The following TENM4 variants were observed in gnomAD, a reference collection of about 807,000 sequenced individuals.
TENM4 encodes teneurin transmembrane protein 4.
Under a neutral mutation model 243.3 loss-of-function variants are expected in TENM4, and 82 were observed. The observed-to-expected ratio is 0.34, with a 90% CI of 0.28 to 0.40. The LOEUF (loss-of-function observed/expected upper bound fraction) is 0.40, where lower values mean the gene tolerates loss of function less well. TENM4 is among the 10% of genes least tolerant of loss of function. TENM4 has a pLI of 1.00. For missense variants in TENM4, 3,138 were observed against 3,673.3 expected, an observed-to-expected ratio of 0.85 and a Z score of 3.77; for synonymous variants, 1,412 against 1,456.3, an observed-to-expected ratio of 0.97 and a Z score of 0.69.
intron 6 of TENM4, among the ~76,000 whole-genome samples, chr11:79,032,349 G>A (rs556805654): frequency 5.3e-5 from 8 of 152,232 alleles, no homozygotes; most frequent in African/African-American, 1.9e-4. Context: ...GTCCATAGGA[G>A]CCTCTTGTCC....
chr11:78,831,173 G>A (rs1236100823), intron 12 of TENM4, among the ~76,000 whole-genome samples: 1 of 152,146 alleles, frequency 6.6e-6, no homozygotes, highest in East Asian at 1.9e-4. Context: ...CCATGTGCAG[G>A]CAATTAAGGG....
At chr11:79,301,361 G>A (rs907195033) in intron 1 of TENM4, among the ~76,000 whole-genome samples, 2 of 152,100 alleles carry the variant, frequency 1.3e-5, no homozygotes, top group Non-Finnish European at 2.9e-5. Flanking sequence ...TCAGGTTTGC[G>A]AATATCAAGA....
chr11:78,934,841 T>C (rs1856747559), intron 6 of TENM4, among the ~76,000 whole-genome samples: 1 of 151,848 alleles, frequency 6.6e-6, no homozygotes, highest in African/African-American at 2.4e-5. Flanking sequence ...AGGAAGAAAC[T>C]AGACATACTA....
chr11:78,692,406 C>T (rs937829191), intron 28 of TENM4, among the ~76,000 whole-genome samples: 3 of 152,082 alleles, frequency 2.0e-5, no homozygotes, highest in Non-Finnish European at 2.9e-5. Context: ...CATATAACCT[C>T]GGTGAGCCTC....
chr11:79,180,018 A>T lies in TENM4; in HGVS notation c.-162-31212T>A, dbSNP rs1248039770. On this transcript the variant is annotated intron_variant, in intron 3 of 33. Coordinates refer to ENST00000278550, the MANE Select transcript of TENM4 (RefSeq NM_001098816.3). Reference sequence around the variant, plus strand: ...GAATCATGATCTCTCTGTCTCCAAAACCTAAGGTCTGGGCTTGCAAATTGC... The same window carrying T: ...GAATCATGATCTCTCTGTCTCCAAATCCTAAGGTCTGGGCTTGCAAATTGC... Among the ~76,000 whole-genome samples the T allele has an allele frequency of 2.6e-5, 4 of 151,710 alleles. 1 individual carries two copies. The highest frequency in any genetic ancestry group is 9.7e-5 in the African/African-American group (4 of 41,370).
chr11:79,003,352 A>G (rs542993072), intron 6 of TENM4, among the ~76,000 whole-genome samples: 1 of 152,114 alleles, frequency 6.6e-6, no homozygotes, highest in Admixed American at 6.6e-5. Context: ...CACAGTCTTC[A>G]TATTCTCCAA....
At chr11:78,660,070 C>T (rs528555244) in intron 33 of TENM4, among the ~76,000 whole-genome samples, 6 of 152,158 alleles carry the variant, frequency 3.9e-5, no homozygotes, top group Admixed American at 2.0e-4. Flanking sequence ...AGTCAGAGAC[C>T]GGGGCTCTCT....
intron 30 of TENM4, among the ~76,000 whole-genome samples, chr11:78,675,007 T>G (rs1348397628): frequency 6.6e-6 from 1 of 152,016 alleles, no homozygotes; most frequent in East Asian, 1.9e-4. Flanking sequence ...CTAGGATTAC[T>G]GGTGTCCCCC....
intron 6 of TENM4, among the ~76,000 whole-genome samples, chr11:78,905,692 A>G (rs1315921218): frequency 2.6e-5 from 4 of 152,090 alleles, no homozygotes; most frequent in Non-Finnish European, 5.9e-5. Flanking sequence ...TGTGAATGGT[A>G]CTCCCTGAAG....
At chr11:79,120,538 G>A (rs1218469124) in intron 4 of TENM4, among the ~76,000 whole-genome samples, 2 of 152,186 alleles carry the variant, frequency 1.3e-5, no homozygotes, top group Non-Finnish European at 2.9e-5. Flanking sequence ...CAGTAACAAT[G>A]CTGAGGTCTC....
intron 13 of TENM4, 104 bp downstream of exon 13, chr11:78,814,190 C>T (rs534043657): frequency 2.0e-4 from 218 of 1,081,970 alleles, no homozygotes; most frequent in Non-Finnish European, 2.7e-4. Flanking sequence ...TTCTCGTGGG[C>T]ATCAGAAGGT....
intron 18 of TENM4, among the ~76,000 whole-genome samples, chr11:78,767,295 A>T (rs537666883): frequency 6.6e-6 from 1 of 152,368 alleles, no homozygotes; most frequent in South Asian, 2.1e-4. Flanking sequence ...GTGGATAATA[A>T]GGCCACATTC....
chr11:78,826,076 C>CT (rs59565048), intron 12 of TENM4, among the ~76,000 whole-genome samples: 2,666 of 115,378 alleles, frequency 0.023, 213 homozygotes, highest in African/African-American at 0.038. Context: ...AATCCCCCTC[C>CT]TTTTTTTTTT....
chr11:79,103,837 C>T (rs1001068849), intron 4 of TENM4, among the ~76,000 whole-genome samples: 19 of 152,200 alleles, frequency 1.2e-4, no homozygotes, highest in African/African-American at 4.3e-4. Flanking sequence ...CTGTCTTAGG[C>T]GAACTGCTAT....
chr11:78,972,832 A>G (rs1355612341), intron 6 of TENM4, among the ~76,000 whole-genome samples: 2 of 152,118 alleles, frequency 1.3e-5, no homozygotes, highest in South Asian at 4.1e-4. Flanking sequence ...GTCACTCCCT[A>G]TTGTCCTCCA....
chr11:78,672,853 C>T (rs2135682557), intron 30 of TENM4, among the ~76,000 whole-genome samples: 1 of 152,224 alleles, frequency 6.6e-6, no homozygotes, highest in South Asian at 2.1e-4. Flanking sequence ...TGCCCCCAAA[C>T]ACTCAGTGGC....
chr11:78,684,170 G>A (rs1250642593), intron 29 of TENM4, among the ~76,000 whole-genome samples: 6 of 152,212 alleles, frequency 3.9e-5, no homozygotes, highest in Admixed American at 2.0e-4. Flanking sequence ...ATATTTGAGT[G>A]CGTGCTGTGA....
At chr11:78,898,907 C>T (rs1354027234) in intron 7 of TENM4, among the ~76,000 whole-genome samples, 1 of 152,130 alleles carries the variant, frequency 6.6e-6, no homozygotes, top group Non-Finnish European at 1.5e-5. Flanking sequence ...TAAAACACTA[C>T]ATAATAAGTA....
intron 15 of TENM4, among the ~76,000 whole-genome samples, chr11:78,800,225 G>A (rs538739939): frequency 1.6e-4 from 25 of 152,334 alleles, no homozygotes; most frequent in African/African-American, 5.5e-4. Context: ...GGAGATGGGA[G>A]GAGTTGTTCT....
Sources: gnomAD v4.1 joint callset for allele counts (sites outside exome capture counted in the v4.1 genomes callset) on GRCh38, gnomAD v4.1.1 for gene constraint, MANE v1.5 for transcripts, NCBI Gene and HGNC (gene_info 2026-07-23, HGNC 2026-07-21) for gene names.